The following PRDM5 variants were observed in gnomAD, a reference collection of about 807,000 sequenced individuals.
PRDM5 encodes PR domain zinc finger protein 5.
Under a neutral mutation model 81.2 loss-of-function variants are expected in PRDM5, and 56 were observed. The observed-to-expected ratio is 0.69, with a 90% CI of 0.56 to 0.86. The LOEUF (loss-of-function observed/expected upper bound fraction) is 0.86, where lower values mean the gene tolerates loss of function less well. Among genes scored for constraint, PRDM5 ranks in the 40% least tolerant of loss-of-function variants. The probability of loss-of-function intolerance (pLI) is 0.00; values close to 1 mark genes in which losing one functional copy is unlikely to be tolerated. For synonymous variants in PRDM5, 267 were observed against 256.4 expected (o/e 1.04, Z -0.39); for missense variants, 697 against 770.1 (o/e 0.91, Z 1.12).
chr4:120,718,093 C>A (rs770858934), intron 14 of PRDM5, among the ~76,000 whole-genome samples: 1 of 152,150 alleles, frequency 6.6e-6, no homozygotes, highest in Non-Finnish European at 1.5e-5. Flanking sequence ...GTTCAACTTG[C>A]GAGTGAAACA....
chr4:120,736,809 T>C (rs1454892564), intron 14 of PRDM5, among the ~76,000 whole-genome samples: 1 of 152,230 alleles, frequency 6.6e-6, no homozygotes, highest in African/African-American at 2.4e-5. Context: ...TTTAGATCAA[T>C]GAGCACAATC....
In PRDM5 at chr4:120,816,495, T is replaced by C. The variant is rs762184040; in HGVS notation, c.823A>G (p.Ser275Gly). Residue 275 changes from serine to glycine, a missense_variant, in exon 7 of 16, where the codon AGC becomes GGC. By Grantham distance (56) the Ser-to-Gly change is moderately conservative (BLOSUM62 0). Around this residue, in one of 3 missense-constraint regions of PRDM5, gnomAD observed 577 missense variants for 606.7 expected, o/e 0.95. Transcript: ENST00000264808. Reference sequence around the variant, plus strand: ...TGGTGTCTTTTCAGGGCATCCTTGCTCTTCAGCCTCTTTCCACAGCTGTCA... The same window carrying C: ...TGGTGTCTTTTCAGGGCATCCTTGCCCTTCAGCCTCTTTCCACAGCTGTCA... ...KADSCGKRLK[S>G]KDALKRHQEN... 4 of 1,614,184 alleles carry C rather than the reference T, an allele frequency of 2.5e-6. No homozygotes were observed. Among genetic ancestry groups the C allele is most frequent in the Non-Finnish European group, 3.4e-6 (4 of 1,180,022 alleles).
intron 2 of PRDM5, among the ~76,000 whole-genome samples, chr4:120,872,084 G>A (rs1003818997): frequency 2.1e-5 from 3 of 145,964 alleles, no homozygotes; most frequent in Non-Finnish European, 4.5e-5. Context: ...CCGGGAGGCG[G>A]AGGTTGCAGT....
intron 2 of PRDM5, chr4:120,896,717 T>C (rs1344424283): frequency 6.6e-6 from 1 of 151,492 alleles, no homozygotes; most frequent in Non-Finnish European, 1.5e-5. Context: ...GGAATCTCGC[T>C]CTTTCACCCA....
chr4:120,907,207 G>A (rs1313610681), intron 2 of PRDM5, among the ~76,000 whole-genome samples: 4 of 151,636 alleles, frequency 2.6e-5, no homozygotes, highest in East Asian at 1.9e-4. Flanking sequence ...GTTGGCATGC[G>A]CCTGTAATCC....
intron 1 of PRDM5, among the ~76,000 whole-genome samples, chr4:120,911,097 A>C (rs544553372): frequency 6.6e-6 from 1 of 152,270 alleles, no homozygotes; most frequent in African/African-American, 2.4e-5. Context: ...GCAACACAAC[A>C]CCAGATACCC....
intron 13 of PRDM5, among the ~76,000 whole-genome samples, chr4:120,755,787 T>C (rs1433840232): frequency 2.0e-5 from 3 of 152,074 alleles, no homozygotes; most frequent in Non-Finnish European, 4.4e-5. Flanking sequence ...CCTTGCACTG[T>C]TCTCCCCAAC....
chr4:120,882,457 C>T (rs72923553), intron 2 of PRDM5, among the ~76,000 whole-genome samples: 3,382 of 152,218 alleles, frequency 0.022, 131 homozygotes, highest in African/African-American at 0.076. Flanking sequence ...CACCTTCTTC[C>T]ATCTTCATTT....
chr4:120,693,319 T>A lies in PRDM5; in HGVS notation c.*1792A>T, dbSNP rs981422495. On this transcript the variant is annotated 3_prime_UTR_variant, in exon 16 of 16. Coordinates refer to ENST00000264808, the MANE Select transcript of PRDM5 (RefSeq NM_018699.4). ...AAATATACAGGATGTGCTTAAATAA[T>A]ACACACTATCAAATTTTACAGCTGT... 1 of 152,106 alleles carries A rather than the reference T, an allele frequency of 6.6e-6. No homozygotes were observed. The highest frequency in any genetic ancestry group is 1.5e-5 in the Non-Finnish European group (1 of 67,990). The allele number at this position is 152,106 out of a possible 1,614,324, so 9.4% of individuals were successfully genotyped here.
At chr4:120,818,245 C>T (rs944736452) in intron 5 of PRDM5, 108 bp downstream of exon 5, 50 of 1,161,158 alleles carry the variant, frequency 4.3e-5, no homozygotes, top group Admixed American at 3.2e-4. Context: ...AAAACATGCG[C>T]GTGCGCGCGT....
At chr4:120,740,866 C>T (rs1378534267) in intron 14 of PRDM5, among the ~76,000 whole-genome samples, 4 of 152,206 alleles carry the variant, frequency 2.6e-5, no homozygotes, top group African/African-American at 9.7e-5. Flanking sequence ...ACAATTCATA[C>T]CAACTGCTCA....
At chr4:120,900,314 G>A (rs1765096496) in intron 2 of PRDM5, among the ~76,000 whole-genome samples, 1 of 152,124 alleles carries the variant, frequency 6.6e-6, no homozygotes, top group East Asian at 1.9e-4. Flanking sequence ...CCATCCTGGA[G>A]GCTATCTAGG....
chr4:120,881,034 C>T (rs185862427), intron 2 of PRDM5, among the ~76,000 whole-genome samples: 1 of 152,248 alleles, frequency 6.6e-6, no homozygotes, highest in East Asian at 1.9e-4. Context: ...TAACACTGTA[C>T]TATAATTAAA....
rs572557106 is a variant in PRDM5 at position 120,894,979 on chromosome 4, T to C, written c.177+12495A>G. ...CCTTGTAACACTAAACACCAAAACA[T>C]CGGAAATCCATCCTTTCCTGACTTA... On this transcript the variant is annotated intron_variant, in intron 2 of 15. Transcript: ENST00000264808. Among the ~76,000 whole-genome samples the C allele has an allele frequency of 3.3e-5, 5 of 152,328 alleles. No individual in the cohort carries two copies. The East Asian group carries it at 7.7e-4, about 23-fold the overall frequency.
At chr4:120,826,260 C>T (rs1158656026) in intron 3 of PRDM5, among the ~76,000 whole-genome samples, 2 of 152,134 alleles carry the variant, frequency 1.3e-5, no homozygotes, top group Non-Finnish European at 2.9e-5. Context: ...AGAGCTAATT[C>T]CCACCTTAGT....
intron 2 of PRDM5, among the ~76,000 whole-genome samples, chr4:120,884,400 CT>C (rs1561600475): frequency 6.6e-6 from 1 of 150,476 alleles, no homozygotes; most frequent in Non-Finnish European, 1.5e-5. Context: ...GAAACACTTG[CT>C]TTAACCCCTA....
At chr4:120,689,646 G>A (rs182037961), downstream of PRDM5, among the ~76,000 whole-genome samples, 2 of 146,146 alleles carry the variant, frequency 1.4e-5, no homozygotes, top group Admixed American at 1.4e-4. Flanking sequence ...TCGCTCTGTT[G>A]CCCAGGCTGG....
chr4:120,818,661 T>C lies in PRDM5; in HGVS notation c.476-134A>G, dbSNP rs1248548830. ...TATGAATAAATTCTTATTATCACTA[T>C]AAATATTAATAGTATTTGGCCACAA... On this transcript the variant is annotated intron_variant, in intron 4 of 15. Coordinates refer to ENST00000264808, the MANE Select transcript of PRDM5 (RefSeq NM_018699.4). 7.8e-5 allele frequency: 59 copies of C among 753,280 alleles called. 1 individual carries two copies. The highest frequency in any genetic ancestry group is 2.2e-6 in the Non-Finnish European group (1 of 451,726). 46.7% of individuals were successfully genotyped at this position (753,280 alleles called of 1,614,324 possible). A position where few individuals can be genotyped will look rare whatever the true frequency, so the allele number is the denominator to read the frequency against.
In PRDM5 at chr4:120,694,872, C is replaced by T. The variant is rs1476080555; in HGVS notation, c.*239G>A. The T allele has an allele frequency of 1.0e-5, 5 of 492,764 alleles. No individual in the cohort carries two copies. Among genetic ancestry groups the T allele is most frequent in the South Asian group, 4.5e-5 (2 of 44,790 alleles). 30.5% of individuals were successfully genotyped at this position (492,764 alleles called of 1,614,324 possible). A position where few individuals can be genotyped will look rare whatever the true frequency, so the allele number is the denominator to read the frequency against. On this transcript the variant is annotated 3_prime_UTR_variant, in exon 16 of 16. Coordinates refer to ENST00000264808, the MANE Select transcript of PRDM5 (RefSeq NM_018699.4). ...CTTTCTCCATTTTTATAAGACAGAG[C>T]ACAAGTTGCATTTTGCAAGGCTATG...
Sources: allele counts gnomAD v4.1 joint callset (sites outside exome capture counted in the v4.1 genomes callset), GRCh38; gene constraint gnomAD v4.1.1; regional missense constraint gnomAD v4.1.1; transcripts MANE v1.5; gene names NCBI Gene and HGNC (gene_info 2026-07-23, HGNC 2026-07-21).